SLC35F3: variants seen among roughly 807,000 people sequenced by gnomAD.
The protein encoded by SLC35F3 is putative thiamine transporter SLC35F3.
In SLC35F3, 25 loss-of-function variants were observed where a neutral mutation model predicts 49.9. The ratio of observed to expected loss-of-function variants is 0.50; its 90% CI spans 0.37 to 0.70. The LOEUF is 0.70. Among genes scored for constraint, SLC35F3 ranks in the 30% least tolerant of loss-of-function variants. SLC35F3 has a pLI of 0.00. For missense variants in SLC35F3, 525 were observed against 639.8 expected, an observed-to-expected ratio of 0.82 and a Z score of 1.94; for synonymous variants, 275 against 265.4, an observed-to-expected ratio of 1.04 and a Z score of -0.35.
chr1:234,061,950 A>C (rs1272712639), intron 2 of SLC35F3, among the ~76,000 whole-genome samples: 1 of 152,170 alleles, frequency 6.6e-6, no homozygotes. Context: ...TTTAAATATG[A>C]CATCTGGTCA....
rs111635190 is a variant in SLC35F3 at position 234,062,796 on chromosome 1, C to T, written c.283+157038C>T. 1.6e-3 allele frequency among the ~76,000 whole-genome samples: 248 copies of T among 151,488 alleles called. 1 individual carries two copies. Among genetic ancestry groups the T allele is most frequent in the Middle Eastern group, 6.8e-3 (2 of 294 alleles). ...CTGGGTTCATGCCATTCTCCTGCCT[C>T]AGTCTCCCTGAGTAGCTGGGACTAC... On this transcript the variant is annotated intron_variant, in intron 2 of 7. Coordinates refer to ENST00000366618, the MANE Select transcript of SLC35F3 (RefSeq NM_173508.4).
chr1:233,986,168 T>G (rs1413827251), intron 2 of SLC35F3, among the ~76,000 whole-genome samples: 1 of 152,240 alleles, frequency 6.6e-6, no homozygotes, highest in African/African-American at 2.4e-5. Flanking sequence ...ATGTTAGCTA[T>G]TACTCTTACA....
chr1:233,911,561 A>T (rs1314350893), intron 2 of SLC35F3, among the ~76,000 whole-genome samples: 1 of 152,202 alleles, frequency 6.6e-6, no homozygotes, highest in East Asian at 1.9e-4. Flanking sequence ...ATTATCTTTT[A>T]AGGAAACGAG....
chr1:234,081,837 A>G (rs755373971), intron 2 of SLC35F3, among the ~76,000 whole-genome samples: 2 of 143,526 alleles, frequency 1.4e-5, no homozygotes, highest in Non-Finnish European at 3.0e-5. Context: ...TCCCAGGTTC[A>G]TGCCATTTTT....
chr1:234,020,835 A>G (rs1299074487), intron 2 of SLC35F3, among the ~76,000 whole-genome samples: 1 of 152,186 alleles, frequency 6.6e-6, no homozygotes, highest in East Asian at 1.9e-4. Flanking sequence ...CAGTGTTCCT[A>G]GGCTTGTCCT....
intron 2 of SLC35F3, among the ~76,000 whole-genome samples, chr1:233,914,278 C>G (rs1014214855): frequency 1.1e-4 from 16 of 152,168 alleles, no homozygotes; most frequent in Middle Eastern, 3.2e-3. Flanking sequence ...GCTAGTCTGT[C>G]TCCCATATGG....
chr1:233,983,325 G>A (rs780862872), intron 2 of SLC35F3, among the ~76,000 whole-genome samples: 2 of 152,042 alleles, frequency 1.3e-5, no homozygotes, highest in African/African-American at 2.4e-5. Context: ...CATCGAGCTC[G>A]GGAACAAGTA....
chr1:234,307,883 G>C (rs1279246261), intron 3 of SLC35F3, among the ~76,000 whole-genome samples: 1 of 152,148 alleles, frequency 6.6e-6, no homozygotes, highest in African/African-American at 2.4e-5. Context: ...CAACAGTCAA[G>C]GAAAGAGGCA....
intron 2 of SLC35F3, among the ~76,000 whole-genome samples, chr1:234,097,366 T>C (rs1665140412): frequency 6.6e-6 from 1 of 152,152 alleles, no homozygotes; most frequent in South Asian, 2.1e-4. Context: ...TAAAAAGATG[T>C]CTTCCATTTA....
At chr1:233,963,364 A>G (rs4320843) in intron 2 of SLC35F3, among the ~76,000 whole-genome samples, 124,388 of 150,942 alleles carry the variant, frequency 0.82, 51,339 homozygotes, top group South Asian at 0.88. Flanking sequence ...GCAGTGGTGC[A>G]ATCTCGGCTC....
chr1:233,972,323 A>G (rs147147477), intron 2 of SLC35F3, among the ~76,000 whole-genome samples: 230 of 152,286 alleles, frequency 1.5e-3, no homozygotes, highest in African/African-American at 5.3e-3. Context: ...CATCAAGCAT[A>G]TTTTACATGA....
intron 2 of SLC35F3, among the ~76,000 whole-genome samples, chr1:234,040,465 G>C (rs1291252146): frequency 6.6e-6 from 1 of 152,192 alleles, no homozygotes; most frequent in African/African-American, 2.4e-5. Context: ...GGCTTCACCA[G>C]GGACCCGCCC....
In SLC35F3 at chr1:234,058,328, A is replaced by ATTTTTTTTTTTTTTTTTTTTTTTTTT. The variant is rs56960667; in HGVS notation, c.283+152575_283+152600dup. 1.3e-4 allele frequency among the ~76,000 whole-genome samples: 5 copies of ATTTTTTTTTTTTTTTTTTTTTTTTTT among 39,796 alleles called. 1 individual carries two copies. Among genetic ancestry groups the ATTTTTTTTTTTTTTTTTTTTTTTTTT allele is most frequent in the African/African-American group, 6.9e-4 (5 of 7,286 alleles). The allele number at this position is 39,796 out of a possible 152,430, so 26.1% of individuals were successfully genotyped here. ...TAATTGTCTTTATAAATGTTCCTGA[A>ATTTTTTTTTTTTTTTTTTTTTTTTTT]TTTTTTTTTTTTTTTTTTTTTTTTT... On this transcript the variant is annotated intron_variant, in intron 2 of 7. Coordinates refer to ENST00000366618, the MANE Select transcript of SLC35F3 (RefSeq NM_173508.4).
At chr1:234,284,133 G>A (rs534406876) in intron 3 of SLC35F3, among the ~76,000 whole-genome samples, 77 of 152,060 alleles carry the variant, frequency 5.1e-4, no homozygotes, top group Admixed American at 2.1e-3. Flanking sequence ...TTGAACTCCC[G>A]GGCTCAAGCA....
At chr1:233,918,804 CTCTCTCTCTCTCTATATA>C in intron 2 of SLC35F3, among the ~76,000 whole-genome samples, 1 of 44,328 alleles carries the variant, frequency 2.3e-5, no homozygotes, top group East Asian at 1.4e-3. Context: ...CTCTTTCTCT[CTCTCTCTCTCTCTATATA>C]TATATATATA....
chr1:233,997,950 C>T (rs981856753), intron 2 of SLC35F3, among the ~76,000 whole-genome samples: 7 of 152,056 alleles, frequency 4.6e-5, no homozygotes, highest in African/African-American at 1.7e-4. Flanking sequence ...TGGGGTTTCA[C>T]CATGTTGGTC....
At chr1:234,238,367 G>A (rs927285118) in intron 3 of SLC35F3, among the ~76,000 whole-genome samples, 16 of 152,190 alleles carry the variant, frequency 1.1e-4, no homozygotes, top group African/African-American at 3.4e-4. Context: ...GGGCACCGGT[G>A]TCAGCAAAGG....
intron 2 of SLC35F3, among the ~76,000 whole-genome samples, chr1:233,913,788 T>G (rs1661924537): frequency 6.6e-6 from 1 of 152,178 alleles, no homozygotes; most frequent in Non-Finnish European, 1.5e-5. Flanking sequence ...AGTCTTCACT[T>G]TAACCCTGCT....
At chr1:234,172,840 A>G (rs7515801) in intron 2 of SLC35F3, among the ~76,000 whole-genome samples, 42,037 of 152,108 alleles carry the variant, frequency 0.28, 9,415 homozygotes, top group East Asian at 0.88. Flanking sequence ...GGCCACAGTC[A>G]TATATGCGGT....
Sources: gnomAD v4.1 joint callset for allele counts (sites outside exome capture counted in the v4.1 genomes callset) on GRCh38, gnomAD v4.1.1 for gene constraint, MANE v1.5 for transcripts, NCBI Gene and HGNC (gene_info 2026-07-23, HGNC 2026-07-21) for gene names.